PLEKHG3: variants seen among roughly 807,000 people sequenced by gnomAD.
PLEKHG3 encodes pleckstrin homology and RhoGEF domain containing G3, also known as pleckstrin homology domain-containing family G member 3.
Under a neutral mutation model 94.9 loss-of-function variants are expected in PLEKHG3, and 62 were observed. The observed-to-expected ratio is 0.65, with a 90% CI of 0.53 to 0.81. PLEKHG3 has a LOEUF of 0.81. PLEKHG3 is among the 30% of genes least tolerant of loss of function. The pLI is 0.00. For synonymous variants in PLEKHG3, 614 were observed against 654.0 expected (o/e 0.94, Z 0.93); for missense variants, 1,461 against 1,619.3 (o/e 0.90, Z 1.68).
Position 64,727,587 on chromosome 14 carries a change from T to C in PLEKHG3, c.-39-6T>C. The C allele has an allele frequency of 9.0e-7, 1 of 1,112,902 alleles. No homozygotes were observed. The highest frequency in any genetic ancestry group is 1.4e-6 in the Non-Finnish European group (1 of 735,246). 68.9% of individuals were successfully genotyped at this position (1,112,902 alleles called of 1,614,324 possible). A position where few individuals can be genotyped will look rare whatever the true frequency, so the allele number is the denominator to read the frequency against. On this transcript the variant is annotated splice_region_variant and splice_polypyrimidine_tract_variant and intron_variant, in intron 1 of 16. Coordinates refer to ENST00000247226, the MANE Select transcript of PLEKHG3 (RefSeq NM_001308147.2). This position sits in a 1 kb window ranked among gnomAD's most constrained non-coding sequence, Gnocchi z 6.0. ...GTTGACCCTTCATCTGTCTGTCTTG[T>C]TGCAGAATCTCCCTGGGGTGCCCTC...
intron 12 of PLEKHG3, among the ~76,000 whole-genome samples, chr14:64,734,714 CTTCCTTCCTTCCTTCT>C (rs1311089240): frequency 1.0e-4 from 15 of 146,712 alleles, no homozygotes; most frequent in African/African-American, 1.8e-4. Context: ...CCCTCCCTCC[CTTCCTTCCTTCCTTCT>C]TTCCTTCCTT....
chr14:64,737,903 C>A (rs1325941397), intron 14 of PLEKHG3: 28 of 1,210,938 alleles, frequency 2.3e-5, no homozygotes, highest in Non-Finnish European at 2.9e-5. Context: ...TTGGGCAGCC[C>A]TCCCGTACTC....
Position 64,715,125 on chromosome 14 carries a change from C to T in PLEKHG3, c.-40+10421C>T, listed in dbSNP as rs1244173143. Among the ~76,000 whole-genome samples the T allele has an allele frequency of 6.6e-6, 1 of 152,144 alleles. No individual in the cohort carries two copies. The highest frequency in any genetic ancestry group is 1.5e-5 in the Non-Finnish European group (1 of 68,038). ...TACGTACTGTTTTTGGAGGCATCTA[C>T]AGGTGAGTTATGAATTCCCAGGTGA... is the stretch of plus-strand genomic sequence containing the variant. On this transcript the variant is annotated intron_variant, in intron 1 of 16. Transcript: ENST00000247226. This position sits in a 1 kb window ranked among gnomAD's most constrained non-coding sequence, Gnocchi z 4.4.
Position 64,715,284 on chromosome 14 carries a change from G to A in PLEKHG3, c.-40+10580G>A, listed in dbSNP as rs757277053. ...GGTGAGAGATGGCCTTCTTGGCTTC[G>A]TCTCTCGGGCCATGTGGGAGGTTGT... On this transcript the variant is annotated intron_variant, in intron 1 of 16. Transcript: ENST00000247226. This position sits in a 1 kb window ranked among gnomAD's most constrained non-coding sequence, Gnocchi z 4.4. Among the ~76,000 whole-genome samples the A allele has an allele frequency of 2.6e-5, 4 of 152,186 alleles. No homozygotes were observed. Among genetic ancestry groups the A allele is most frequent in the Admixed American group, 1.3e-4 (2 of 15,288 alleles).
intron 12 of PLEKHG3, among the ~76,000 whole-genome samples, chr14:64,733,538 C>T (rs2081514786): frequency 6.6e-6 from 1 of 152,178 alleles, no homozygotes; most frequent in African/African-American, 2.4e-5. Flanking sequence ...AGCCCCCTCC[C>T]TCCTTTGCCT....
chr14:64,749,317 TG>T lies in PLEKHG3; in HGVS notation c.*5618del. 6.2e-7 allele frequency: 1 copy of T among 1,604,898 alleles called. No homozygotes were observed. The highest frequency in any genetic ancestry group is 1.1e-5 in the South Asian group (1 of 90,102). ...GCCAGCCCCACCTGCTACTTCTTTT[TG>T]GGGAAGAAGCTGAATCTCTTCTCCT... On this transcript the variant is annotated 3_prime_UTR_variant, in exon 17 of 17. Coordinates refer to ENST00000247226, the MANE Select transcript of PLEKHG3 (RefSeq NM_001308147.2). The surrounding 1 kb of genome is among the most constrained non-coding windows in gnomAD (Gnocchi z 4.7).
chr14:64,706,295 C>T (rs2080969767), intron 1 of PLEKHG3, among the ~76,000 whole-genome samples: 1 of 152,192 alleles, frequency 6.6e-6, no homozygotes, highest in African/African-American at 2.4e-5. Flanking sequence ...GTGAAGGCAG[C>T]AGAGCCCAGA....
At position 64,749,814 on chromosome 14, in the gene PLEKHG3, C is replaced by T. The variant is rs1477547506; in HGVS notation, c.*6111C>T. On this transcript the variant is annotated 3_prime_UTR_variant, in exon 17 of 17. Coordinates refer to ENST00000247226, the MANE Select transcript of PLEKHG3 (RefSeq NM_001308147.2). The surrounding 1 kb of genome is among the most constrained non-coding windows in gnomAD (Gnocchi z 4.7). ...ACATCCAGACCCCTCTCAGGCAGCC[C>T]AGCACTTTCTGAGAGGTCAAAGTCT... The T allele has an allele frequency of 6.7e-7, 1 of 1,500,778 alleles. No individual in the cohort carries two copies. Among genetic ancestry groups the T allele is most frequent in the African/African-American group, 1.4e-5 (1 of 72,200 alleles). The allele number at this position is 1,500,778 out of a possible 1,614,324, so 93.0% of individuals were successfully genotyped here.
At position 64,738,716 on chromosome 14, in the gene PLEKHG3, T is replaced by C. The variant is rs1427542282; in HGVS notation, c.1405-26T>C. ...GGATCAGCTTCCAGTTGTCTTGGAG[T>C]TGATGACTGACCTCTACCTCTGCAG... On this transcript the variant is annotated intron_variant, in intron 14 of 16. Coordinates refer to ENST00000247226, the MANE Select transcript of PLEKHG3 (RefSeq NM_001308147.2). The surrounding 1 kb of genome is among the most constrained non-coding windows in gnomAD (Gnocchi z 4.8). 3 of 1,470,206 alleles carry C rather than the reference T, an allele frequency of 2.0e-6. No homozygotes were observed. Among genetic ancestry groups the C allele is most frequent in the Non-Finnish European group, 2.8e-6 (3 of 1,070,538 alleles). The allele number at this position is 1,470,206 out of a possible 1,614,324, so 91.1% of individuals were successfully genotyped here. A position where few individuals can be genotyped will look rare whatever the true frequency, so the allele number is the denominator to read the frequency against.
At chr14:64,736,915 A>G (rs2081582539) in intron 13 of PLEKHG3, 24 bp downstream of exon 13, 2 of 1,598,190 alleles carry the variant, frequency 1.3e-6, no homozygotes, top group African/African-American at 1.3e-5. Flanking sequence ...GTGGCCAGCC[A>G]TTCCCAGTGA....
chr14:64,710,540 G>A (rs533322003), intron 1 of PLEKHG3, among the ~76,000 whole-genome samples: 1 of 152,058 alleles, frequency 6.6e-6, no homozygotes, highest in Non-Finnish European at 1.5e-5. Flanking sequence ...GCATGGTGGC[G>A]GGCACCCGTA....
chr14:64,729,328 G>A (rs979723429), intron 3 of PLEKHG3, among the ~76,000 whole-genome samples: 3 of 152,182 alleles, frequency 2.0e-5, no homozygotes, highest in Non-Finnish European at 4.4e-5. Flanking sequence ...ATCCTGAGCC[G>A]GTGCCCCCTC....
chr14:64,748,264 T>C lies in PLEKHG3; in HGVS notation c.*4561T>C, dbSNP rs1384291539. The C allele has an allele frequency of 1.3e-5, 2 of 152,232 alleles. No homozygotes were observed. Among genetic ancestry groups the C allele is most frequent in the Non-Finnish European group, 1.5e-5 (1 of 68,070 alleles). The allele number at this position is 152,232 out of a possible 1,614,324, so 9.4% of individuals were successfully genotyped here. On this transcript the variant is annotated 3_prime_UTR_variant, in exon 17 of 17. Transcript: ENST00000247226. ...TCCAAAGTCCCAGCTGCAGACAGGATGCAATTGAGCATTTGGCTTTGGGAT... is the reference window on the plus strand; with the variant it reads ...TCCAAAGTCCCAGCTGCAGACAGGACGCAATTGAGCATTTGGCTTTGGGAT...
rs888090536 is a variant in PLEKHG3 at position 64,725,807 on chromosome 14, C to A, written c.-39-1786C>A. Among the ~76,000 whole-genome samples the A allele has an allele frequency of 6.6e-6, 1 of 152,206 alleles. No homozygotes were observed. On this transcript the variant is annotated intron_variant, in intron 1 of 16. Coordinates refer to ENST00000247226, the MANE Select transcript of PLEKHG3 (RefSeq NM_001308147.2). The surrounding 1 kb of genome is among the most constrained non-coding windows in gnomAD (Gnocchi z 5.0). ...AGTGCTGTGCTCCAGAGCATCCCGG[C>A]CAGGTTAGCGGCAGGTGGTAAGTAG...
intron 12 of PLEKHG3, 63 bp from the exon 13 acceptor site, chr14:64,736,790 G>A (rs1052776184): frequency 2.1e-5 from 27 of 1,262,996 alleles, no homozygotes; most frequent in Middle Eastern, 2.1e-4. Context: ...TGTGAGCTTG[G>A]GACCCAGCCA....
Position 64,732,746 on chromosome 14 carries a change from G to T in PLEKHG3, c.1247-57G>T. On this transcript the variant is annotated intron_variant, in intron 11 of 16. Coordinates refer to ENST00000247226, the MANE Select transcript of PLEKHG3 (RefSeq NM_001308147.2). This position sits in a 1 kb window ranked among gnomAD's most constrained non-coding sequence, Gnocchi z 4.9. ...TCTGGCTGGTTATGGACAGGGTCTA[G>T]GGTAGGCCAAGGCCAATTGGGAATC... 1 of 1,350,816 alleles carries T rather than the reference G, an allele frequency of 7.4e-7. No homozygotes were observed. Among genetic ancestry groups the T allele is most frequent in the Non-Finnish European group, 1.0e-6 (1 of 963,052 alleles). The allele number at this position is 1,350,816 out of a possible 1,614,324, so 83.7% of individuals were successfully genotyped here.
In PLEKHG3 at chr14:64,716,467, A is replaced by ACACAC. The variant is rs1594666401; in HGVS notation, c.-39-11125_-39-11121dup. ...ACACACACACACACACACACACACA[A>ACACAC]CACACACACACACAACACACACACA... On this transcript the variant is annotated intron_variant, in intron 1 of 16. Coordinates refer to ENST00000247226, the MANE Select transcript of PLEKHG3 (RefSeq NM_001308147.2). The surrounding 1 kb of genome is among the most constrained non-coding windows in gnomAD (Gnocchi z 5.0). Among the ~76,000 whole-genome samples, 2 of 58,168 alleles carry ACACAC rather than the reference A, an allele frequency of 3.4e-5. No homozygotes were observed. The highest frequency in any genetic ancestry group is 5.8e-5 in the African/African-American group (1 of 17,140). 38.2% of individuals were successfully genotyped at this position (58,168 alleles called of 152,430 possible).
rs1185904664 is a variant in PLEKHG3, at chr14:64,715,101, A to G, written c.-40+10397A>G. On this transcript the variant is annotated intron_variant, in intron 1 of 16. Coordinates refer to ENST00000247226, the MANE Select transcript of PLEKHG3 (RefSeq NM_001308147.2). The surrounding 1 kb of genome is among the most constrained non-coding windows in gnomAD (Gnocchi z 4.4). ...GTCTTGGGGTTGTCTACTGCTGGTT[A>G]CGTACTGTTTTTGGAGGCATCTACA... is the stretch of plus-strand genomic sequence containing the variant. Among the ~76,000 whole-genome samples, 4 of 152,142 alleles carry G rather than the reference A, an allele frequency of 2.6e-5. No homozygotes were observed. The highest frequency in any genetic ancestry group is 5.9e-5 in the Non-Finnish European group (4 of 68,018).
intron 12 of PLEKHG3, among the ~76,000 whole-genome samples, chr14:64,733,138 TTTTTC>T (rs146131753): frequency 1.9e-4 from 28 of 150,468 alleles, no homozygotes; most frequent in African/African-American, 4.5e-4. Flanking sequence ...TTTTCTTACT[TTTTTC>T]TTTTCTTTTC....
Sources: allele counts gnomAD v4.1 joint callset (sites outside exome capture counted in the v4.1 genomes callset), GRCh38; gene constraint gnomAD v4.1.1; non-coding constraint Gnocchi (gnomAD v3.1); transcripts MANE v1.5; gene names NCBI Gene and HGNC (gene_info 2026-07-23, HGNC 2026-07-21).